CELSR1: variants seen among roughly 807,000 people sequenced by gnomAD.
CELSR1 encodes the protein cadherin EGF LAG seven-pass G-type receptor 1.
A neutral mutation model predicts 249.1 loss-of-function variants in CELSR1; 110 were observed. The observed-to-expected ratio is 0.44, with a 90% CI of 0.38 to 0.52. The LOEUF is 0.52. Among genes scored for constraint, CELSR1 ranks in the 20% least tolerant of loss-of-function variants. The probability of loss-of-function intolerance (pLI) is 0.00; values close to 1 mark genes in which losing one functional copy is unlikely to be tolerated. For synonymous variants in CELSR1, 2,113 were observed against 1,900.0 expected (o/e 1.11, Z -2.92); for missense variants, 4,109 against 4,296.4 (o/e 0.96, Z 1.22).
At chr22:46,489,074 T>TG (rs983361253) in intron 1 of CELSR1, among the ~76,000 whole-genome samples, 1 of 152,134 alleles carries the variant, frequency 6.6e-6, no homozygotes, top group African/African-American at 2.4e-5. Flanking sequence ...ACCTTCCTGC[T>TG]GGTCACCCAG....
chr22:46,533,522 C>T (rs1311850332), intron 1 of CELSR1, 105 bp downstream of exon 1: 14 of 1,453,992 alleles, frequency 9.6e-6, no homozygotes, highest in African/African-American at 1.4e-5. Flanking sequence ...TGCCCGGGCC[C>T]GGCCCAATTG....
intron 1 of CELSR1, among the ~76,000 whole-genome samples, chr22:46,524,809 C>G (rs1027509596): frequency 6.6e-6 from 1 of 152,150 alleles, no homozygotes; most frequent in African/African-American, 2.4e-5. Flanking sequence ...ATCCCTTCAC[C>G]AGGGCGAGTC....
Position 46,526,041 on chromosome 22 carries a change from C to G in CELSR1, c.3544+7586G>C, listed in dbSNP as rs1006474984. On this transcript the variant is annotated intron_variant, in intron 1 of 34. Transcript: ENST00000674500. The surrounding 1 kb of genome is among the most constrained non-coding windows in gnomAD (Gnocchi z 4.7). ...TGGTCTCTCAACACCCTGGTCGGTA[C>G]ATGGGGCCAGACATAGACCTCTTGT... Among the ~76,000 whole-genome samples, 1 of 152,236 alleles carries G rather than the reference C, an allele frequency of 6.6e-6. No individual in the cohort carries two copies. The highest frequency in any genetic ancestry group is 1.5e-5 in the Non-Finnish European group (1 of 68,026).
chr22:46,514,865 C>T (rs942674445), intron 1 of CELSR1, among the ~76,000 whole-genome samples: 7 of 152,162 alleles, frequency 4.6e-5, no homozygotes, highest in Non-Finnish European at 8.8e-5. Context: ...GATGCCTGTC[C>T]GTACCCGCCG....
At position 46,506,344 on chromosome 22, in the gene CELSR1, T is replaced by C. The variant is rs1384183577; in HGVS notation, c.3544+27283A>G. Reference sequence around the variant, plus strand: ...GAGCAGCAGAGCCCCGCAGGCCCTGTTGGGGTTTGGGGAGGCCCCACCTCC... The same window carrying C: ...GAGCAGCAGAGCCCCGCAGGCCCTGCTGGGGTTTGGGGAGGCCCCACCTCC... On this transcript the variant is annotated intron_variant, in intron 1 of 34. Transcript: ENST00000674500. The surrounding 1 kb of genome is among the most constrained non-coding windows in gnomAD (Gnocchi z 4.1). 2.6e-5 allele frequency among the ~76,000 whole-genome samples: 4 copies of C among 152,156 alleles called. No individual in the cohort carries two copies. Among genetic ancestry groups the C allele is most frequent in the Non-Finnish European group, 5.9e-5 (4 of 68,028 alleles).
At position 46,423,376 on chromosome 22, in the gene CELSR1, A is replaced by AG. The variant is rs572726556; in HGVS notation, c.4611+10016dup. 1.9e-3 allele frequency among the ~76,000 whole-genome samples: 292 copies of AG among 151,842 alleles called. 3 individuals carry two copies. The South Asian group carries it at 0.027, about 14-fold the overall frequency. Reference sequence around the variant, plus strand: ...GTAATCCCAGCACTTTGGGAGGCCGAGGGGGGCAGATCACCTGAGGTCAGG... The same window carrying AG: ...GTAATCCCAGCACTTTGGGAGGCCGAGGGGGGGCAGATCACCTGAGGTCAGG... On this transcript the variant is annotated intron_variant, in intron 5 of 34. Transcript: ENST00000674500. The surrounding 1 kb of genome is among the most constrained non-coding windows in gnomAD (Gnocchi z 5.6).
At position 46,427,279 on chromosome 22, in the gene CELSR1, T is replaced by C. The variant is rs1250970627; in HGVS notation, c.4611+6114A>G. Among the ~76,000 whole-genome samples, 1 of 152,196 alleles carries C rather than the reference T, an allele frequency of 6.6e-6. No individual in the cohort carries two copies. Among genetic ancestry groups the C allele is most frequent in the Non-Finnish European group, 1.5e-5 (1 of 68,032 alleles). Reference sequence around the variant, plus strand: ...GGCCAGGTGCAGTGGCTTATGCCTGTAATCCTAACTGTTTGGGAGGCCAAG... The same window carrying C: ...GGCCAGGTGCAGTGGCTTATGCCTGCAATCCTAACTGTTTGGGAGGCCAAG... On this transcript the variant is annotated intron_variant, in intron 5 of 34. Transcript: ENST00000674500. The surrounding 1 kb of genome is among the most constrained non-coding windows in gnomAD (Gnocchi z 4.2).
chr22:46,404,522 A>G (rs1357901119), intron 9 of CELSR1, among the ~76,000 whole-genome samples: 1 of 152,166 alleles, frequency 6.6e-6, no homozygotes, highest in Non-Finnish European at 1.5e-5. Flanking sequence ...AGAAAACAGG[A>G]TACAGGTTTT....
Position 46,536,577 on chromosome 22 carries a change from C to T in CELSR1, c.594G>A (p.Leu198=). 8.0e-7 allele frequency: 1 copy of T among 1,244,738 alleles called. No homozygotes were observed. Among genetic ancestry groups the T allele is most frequent in the Non-Finnish European group, 1.0e-6 (1 of 998,432 alleles). The allele number at this position is 1,244,738 out of a possible 1,614,324, so 77.1% of individuals were successfully genotyped here. ...RRAAGAVRVG[L]ALEAATAGTP... ...TCCCCGCGGTGGCGGCCTCCAGCGC[C>T]AGTCCCACCCGGACGGCGCCAGCCG... The change falls in exon 1 of 35, where the codon CTG becomes CTA. Residue 198 remains leucine (L), a synonymous_variant. Transcript: ENST00000674500.
intron 1 of CELSR1, among the ~76,000 whole-genome samples, chr22:46,477,576 C>T (rs2080222611): frequency 6.9e-6 from 1 of 145,348 alleles, no homozygotes; most frequent in South Asian, 2.2e-4. Context: ...GTGGCACAAT[C>T]GGCTCACTGC....
At chr22:46,425,454 T>TC (rs927256941) in intron 5 of CELSR1, among the ~76,000 whole-genome samples, 4 of 152,246 alleles carry the variant, frequency 2.6e-5, no homozygotes, top group African/African-American at 9.6e-5. Flanking sequence ...AAATTCTATT[T>TC]CCTCAATAGT....
rs773047973 is a variant in CELSR1 at position 46,535,986 on chromosome 22, G to A, written c.1185C>T (p.Gly395=). 3.1e-6 allele frequency: 5 copies of A among 1,610,464 alleles called. No individual in the cohort carries two copies. The highest frequency in any genetic ancestry group is 1.1e-5 in the South Asian group (1 of 91,078). Residue 395 remains glycine, a synonymous_variant, in exon 1 of 35, where the codon GGC becomes GGT. Coordinates refer to ENST00000674500, the MANE Select transcript of CELSR1 (RefSeq NM_001378328.1). ...NANLRYRVLG[G]AWDVFQLNES... is the part of the protein sequence containing the mutation. ...CGTTGAGCTGGAAGACGTCCCACGC[G>A]CCCCCCAACACGCGGTAACGCAAGT...
In CELSR1 at chr22:46,398,134, C is replaced by T. The variant is rs368558703; in HGVS notation, c.5527-286G>A. Among the ~76,000 whole-genome samples, 10 of 152,080 alleles carry T rather than the reference C, an allele frequency of 6.6e-5. No homozygotes were observed. Among genetic ancestry groups the T allele is most frequent in the Admixed American group, 5.2e-4 (8 of 15,290 alleles). On this transcript the variant is annotated intron_variant, in intron 11 of 34. Transcript: ENST00000674500. The surrounding 1 kb of genome is among the most constrained non-coding windows in gnomAD (Gnocchi z 7.2). ...CCTGCCGAGGGGGCTGAGAGCTGAA[C>T]GACTCAGAGCAGCTCCCTCGGCCGT...
rs1227393838 is a variant in CELSR1, at chr22:46,534,789, G to A, written c.2382C>T (p.Tyr794=). The change falls in exon 1 of 35, where the codon TAC becomes TAT. Residue 794 remains tyrosine (Y), a synonymous_variant. Coordinates refer to ENST00000674500, the MANE Select transcript of CELSR1 (RefSeq NM_001378328.1). The surrounding 1 kb of genome is among the most constrained non-coding windows in gnomAD (Gnocchi z 9.7). ...THRPVFQSSH[Y]TVSVSEDRPV... is the part of the protein sequence containing the mutation. ...GCCTGTCCTCACTGACACTCACTGT[G>A]TAATGGGAGCTCTGAAAGACAGGCC... is the stretch of plus-strand genomic sequence containing the variant. 8 of 1,613,142 alleles carry A rather than the reference G, an allele frequency of 5.0e-6. No individual in the cohort carries two copies. In the African/African-American group the frequency reaches 9.3e-5, roughly 19 times the overall value.
At chr22:46,485,515 G>C (rs1001914337) in intron 1 of CELSR1, among the ~76,000 whole-genome samples, 1 of 152,238 alleles carries the variant, frequency 6.6e-6, no homozygotes, top group Non-Finnish European at 1.5e-5. Flanking sequence ...CCGCCAGGCA[G>C]CTTCTGTCTG....
rs2079627979 is a variant in CELSR1 at position 46,433,989 on chromosome 22, C to G, written c.4523-508G>C. Among the ~76,000 whole-genome samples, 1 of 152,174 alleles carries G rather than the reference C, an allele frequency of 6.6e-6. No homozygotes were observed. The highest frequency in any genetic ancestry group is 6.5e-5 in the Admixed American group (1 of 15,278). ...TGAGCCACCGCGCCTGGCCTTGTTCCTTTTCTAAATATGAAAAAATATAAA... is the reference window on the plus strand; with the variant it reads ...TGAGCCACCGCGCCTGGCCTTGTTCGTTTTCTAAATATGAAAAAATATAAA... On this transcript the variant is annotated intron_variant, in intron 4 of 34. Transcript: ENST00000674500. The surrounding 1 kb of genome is among the most constrained non-coding windows in gnomAD (Gnocchi z 5.7).
At position 46,377,199 on chromosome 22, in the gene CELSR1, G is replaced by C; in HGVS notation, c.7446C>G (p.Ala2482=). The part of the protein sequence containing the change: ...TYAAVSLSLA[A]LLVAFVLLSL... ...TCAGGAGGACGAAGGCCACCAGCAGGGCTGCCAGTGACAAGGACACAGCGG... is the reference window on the plus strand; with the variant it reads ...TCAGGAGGACGAAGGCCACCAGCAGCGCTGCCAGTGACAAGGACACAGCGG... Residue 2482 remains alanine, a synonymous_variant, in exon 24 of 35, where the codon GCC becomes GCG. Transcript: ENST00000674500. The C allele has an allele frequency of 6.2e-7, 1 of 1,613,996 alleles. No individual in the cohort carries two copies. Among genetic ancestry groups the C allele is most frequent in the Non-Finnish European group, 8.5e-7 (1 of 1,180,034 alleles).
Position 46,381,014 on chromosome 22 carries a change from C to T in CELSR1, c.7089-59G>A. On this transcript the variant is annotated intron_variant, in intron 21 of 34. Transcript: ENST00000674500. This position sits in a 1 kb window ranked among gnomAD's most constrained non-coding sequence, Gnocchi z 6.0. ...ACGGTGAGGAAACATCTGCTTAAATCCCGCGCACAAATGCCCTGAGGACAC... is the reference window on the plus strand; with the variant it reads ...ACGGTGAGGAAACATCTGCTTAAATTCCGCGCACAAATGCCCTGAGGACAC... 2 of 1,558,794 alleles carry T rather than the reference C, an allele frequency of 1.3e-6. No individual in the cohort carries two copies. Among genetic ancestry groups the T allele is most frequent in the Admixed American group, 1.7e-5 (1 of 57,312 alleles).
rs1432177174 is a variant in CELSR1 at position 46,433,316 on chromosome 22, T to A, written c.4611+77A>T. The A allele has an allele frequency of 1.0e-5, 11 of 1,103,228 alleles. 1 individual carries two copies. The South Asian group carries it at 1.5e-4, about 15-fold the overall frequency. 68.3% of individuals were successfully genotyped at this position (1,103,228 alleles called of 1,614,324 possible). A position where few individuals can be genotyped will look rare whatever the true frequency, so the allele number is the denominator to read the frequency against. On this transcript the variant is annotated intron_variant, in intron 5 of 34. Coordinates refer to ENST00000674500, the MANE Select transcript of CELSR1 (RefSeq NM_001378328.1). The surrounding 1 kb of genome is among the most constrained non-coding windows in gnomAD (Gnocchi z 5.7). ...TCTCAAAGTGCTGGGATTACAGGCG[T>A]GAGCCACTGCGCCTCGCCCCAGGGC... is the stretch of plus-strand genomic sequence containing the variant.
Sources: allele counts gnomAD v4.1 joint callset (sites outside exome capture counted in the v4.1 genomes callset), GRCh38; gene constraint gnomAD v4.1.1; non-coding constraint Gnocchi (gnomAD v3.1); transcripts MANE v1.5; gene names NCBI Gene and HGNC (gene_info 2026-07-23, HGNC 2026-07-21).